The following ZNF318 variants were observed in gnomAD, a reference collection of about 807,000 sequenced individuals.
ZNF318 encodes the protein endocrine regulator.
A neutral mutation model predicts 124.2 loss-of-function variants in ZNF318; 51 were observed. That is an observed-to-expected ratio of 0.41 (90% CI 0.33 to 0.52). ZNF318 has a LOEUF of 0.52. Among genes scored for constraint, ZNF318 ranks in the 20% least tolerant of loss-of-function variants. The pLI is 0.23. For synonymous variants in ZNF318, 1,090 were observed against 1,040.7 expected (o/e 1.05, Z -0.91); for missense variants, 2,815 against 2,811.2 (o/e 1.00, Z -0.03).
chr6:43,341,592 G>A (rs903209093), intron 8 of ZNF318, among the ~76,000 whole-genome samples: 1 of 149,810 alleles, frequency 6.7e-6, no homozygotes, highest in African/African-American at 2.5e-5. Context: ...GGGGCTTGCA[G>A]TGAGCAGAGA....
chr6:43,360,400 A>G (rs1779664687), intron 2 of ZNF318, among the ~76,000 whole-genome samples: 1 of 152,218 alleles, frequency 6.6e-6, no homozygotes. Flanking sequence ...AGAACCCTAA[A>G]AAGGGTACAA....
chr6:43,348,281 AG>A (rs982712253), intron 6 of ZNF318, 42 bp downstream of exon 6: 2 of 1,559,880 alleles, frequency 1.3e-6, no homozygotes, highest in Non-Finnish European at 1.7e-6. Flanking sequence ...TAGGAGTCTA[AG>A]GGAAAAAAAA....
At position 43,355,422 on chromosome 6, in the gene ZNF318, G is replaced by A. The variant is rs759898475; in HGVS notation, c.1912C>T (p.Arg638Ter). 5 of 1,614,120 alleles carry A rather than the reference G, an allele frequency of 3.1e-6. No homozygotes were observed. Among genetic ancestry groups the A allele is most frequent in the South Asian group, 1.1e-5 (1 of 91,078 alleles). The part of the protein sequence containing the change: ...SSADRRSSVD[R>*]YFSADHCSSV... ...GAACAGTGGTCAGCTGAAAAGTATC[G>A]GTCAACTGAGGAACGGCGGTCAGCT... is the stretch of plus-strand genomic sequence containing the variant. The change falls in exon 4 of 10, where the codon CGA becomes TGA. Residue 638 changes from arginine (R) to a stop codon, truncating the protein, a stop_gained. Coordinates refer to ENST00000361428, the MANE Select transcript of ZNF318 (RefSeq NM_014345.3). LOFTEE classifies it high-confidence loss of function.
At chr6:43,353,795 A>C (rs1779565647) in intron 4 of ZNF318, among the ~76,000 whole-genome samples, 2 of 152,192 alleles carry the variant, frequency 1.3e-5, no homozygotes, top group Non-Finnish European at 2.9e-5. Context: ...CTTCCACTCA[A>C]AATTCTTCTA....
At chr6:43,352,971 T>C (rs536867832) in intron 4 of ZNF318, among the ~76,000 whole-genome samples, 1 of 152,250 alleles carries the variant, frequency 6.6e-6, no homozygotes, top group African/African-American at 2.4e-5. Flanking sequence ...ACATTAAGAG[T>C]AGATTTACAA....
In ZNF318 at chr6:43,352,485, T is replaced by C; in HGVS notation, c.2671-9A>G. On this transcript the variant is annotated splice_polypyrimidine_tract_variant and intron_variant, in intron 4 of 9. Transcript: ENST00000361428. ...TCCCTCTCTTCAATAACCTGCAAAATACAAAGTGGTAAGAGAGTCCATCTC... is the reference window on the plus strand; with the variant it reads ...TCCCTCTCTTCAATAACCTGCAAAACACAAAGTGGTAAGAGAGTCCATCTC... 6.2e-7 allele frequency: 1 copy of C among 1,611,556 alleles called. No individual in the cohort carries two copies. The highest frequency in any genetic ancestry group is 8.5e-7 in the Non-Finnish European group (1 of 1,177,728).
rs1399692543 is a variant in ZNF318, at chr6:43,363,782, G to A, written c.548+1510C>T. 3 of 698,758 alleles carry A rather than the reference G, an allele frequency of 4.3e-6. No individual in the cohort carries two copies. The African/African-American group carries it at 5.3e-5, about 12-fold the overall frequency. 43.3% of individuals were successfully genotyped at this position (698,758 alleles called of 1,614,324 possible). On this transcript the variant is annotated intron_variant, in intron 2 of 9. Transcript: ENST00000361428. ...CAGACCCACACTGGCCAGTTGAAAA[G>A]GTTCAAGGCGTTTGTTGCCATCGGG...
chr6:43,345,925 G>A (rs1446306993), intron 6 of ZNF318, among the ~76,000 whole-genome samples: 1 of 151,930 alleles, frequency 6.6e-6, no homozygotes, highest in African/African-American at 2.4e-5. Context: ...GCCTGGGGAC[G>A]GGCGCAGTGG....
chr6:43,338,463 A>G lies in ZNF318; in HGVS notation c.5535T>C (p.Ser1845=), dbSNP rs145236112. ...TGATCACTACTTTACTTGGAGTTTCACTTCCTGTCATCAATTTATTGGACT... is the reference window on the plus strand; with the variant it reads ...TGATCACTACTTTACTTGGAGTTTCGCTTCCTGTCATCAATTTATTGGACT... The part of the protein sequence containing the change: ...AEQSNKLMTG[S]ETPSKVVIKL... The change falls in exon 10 of 10, where the codon AGT becomes AGC. Residue 1845 remains serine, a synonymous_variant. Coordinates refer to ENST00000361428, the MANE Select transcript of ZNF318 (RefSeq NM_014345.3). The G allele has an allele frequency of 1.4e-4, 232 of 1,614,166 alleles. 2 individuals are homozygous for G. The African/African-American group carries it at 2.3e-3, about 16-fold the overall frequency.
At position 43,357,553 on chromosome 6, in the gene ZNF318, C is replaced by G. The variant is rs769942951; in HGVS notation, c.761G>C (p.Arg254Pro). The G allele has an allele frequency of 1.9e-5, 30 of 1,614,118 alleles. No homozygotes were observed. Among genetic ancestry groups the G allele is most frequent in the Non-Finnish European group, 2.5e-5 (30 of 1,180,032 alleles). ...TATGGAGTAGCCTTTGAGTTTTTCT[C>G]GATTCCGTTCTGTTCCCCGCAACAG... ...DELLRGTERN[R>P]EKLKGYSIRS... The change falls in exon 3 of 10, where the codon CGA becomes CCA. Residue 254 changes from arginine to proline, a missense_variant. This residue lies in a region of ZNF318 where 1,377 missense variants were observed against 1,353.5 expected (regional missense o/e 1.02). Coordinates refer to ENST00000361428, the MANE Select transcript of ZNF318 (RefSeq NM_014345.3).
chr6:43,356,718 A>G (rs1779612683), intron 3 of ZNF318, among the ~76,000 whole-genome samples: 1 of 152,202 alleles, frequency 6.6e-6, no homozygotes, highest in Non-Finnish European at 1.5e-5. Context: ...CAAAATCAGA[A>G]TCATCTGATT....
intron 2 of ZNF318, among the ~76,000 whole-genome samples, chr6:43,360,984 A>G (rs1779674112): frequency 6.6e-6 from 1 of 152,176 alleles, no homozygotes; most frequent in East Asian, 1.9e-4. Flanking sequence ...GGTGTAATAA[A>G]AATGTTCTAA....
In ZNF318 at chr6:43,369,630, G is replaced by A. The variant is rs1288047756; in HGVS notation, c.-265C>T. 3.3e-5 allele frequency among the ~76,000 whole-genome samples: 5 copies of A among 151,920 alleles called. No individual in the cohort carries two copies. Among genetic ancestry groups the A allele is most frequent in the Admixed American group, 2.0e-4 (3 of 15,266 alleles). On this transcript the variant is annotated 5_prime_UTR_variant, in exon 1 of 10. Transcript: ENST00000361428. ...GGTTCCCCGCTCCTCCACTCAGGGA[G>A]CGGCCGCAGGAACCAAGAAAAGTGG...
Position 43,354,850 on chromosome 6 carries a change from A to T in ZNF318, c.2484T>A (p.Ala828=), listed in dbSNP as rs1329064043. 1 of 1,614,176 alleles carries T rather than the reference A, an allele frequency of 6.2e-7. No individual in the cohort carries two copies. Among genetic ancestry groups the T allele is most frequent in the South Asian group, 1.1e-5 (1 of 91,084 alleles). ...PHRIMPITKQ[A]TRSRPNLRVI... ...CACGAAGATTGGGACGGCTACGAGT[A>T]GCTTGTTTGGTTATTGGCATTATCC... The change falls in exon 4 of 10, where the codon GCT becomes GCA. Residue 828 remains alanine (A), a synonymous_variant. Coordinates refer to ENST00000361428, the MANE Select transcript of ZNF318 (RefSeq NM_014345.3).
Position 43,338,109 on chromosome 6 carries a change from C to T in ZNF318, c.5889G>A (p.Lys1963=). Residue 1963 remains lysine (K), a synonymous_variant, in exon 10 of 10, where the codon AAG becomes AAA. Coordinates refer to ENST00000361428, the MANE Select transcript of ZNF318 (RefSeq NM_014345.3). The stretch of plus-strand genomic sequence containing the variant: ...GGCTCTCCCAGGTCTCTGGCCTCTT[C>T]TTGTTTTCATCCCAAACAGCCAACT... ...IYELAVWDEN[K]KRPETWESPE... 1 of 1,613,412 alleles carries T rather than the reference C, an allele frequency of 6.2e-7. No individual in the cohort carries two copies. The highest frequency in any genetic ancestry group is 8.5e-7 in the Non-Finnish European group (1 of 1,179,846).
chr6:43,357,861 A>C, intron 2 of ZNF318, 96 bp from the exon 3 acceptor site: 1 of 1,129,948 alleles, frequency 8.8e-7, no homozygotes, highest in Non-Finnish European at 1.3e-6. Flanking sequence ...GGGCTATAAA[A>C]TGCTTAGGGC....
intron 4 of ZNF318, among the ~76,000 whole-genome samples, chr6:43,353,176 T>C (rs963623461): frequency 6.6e-6 from 1 of 152,162 alleles, no homozygotes; most frequent in East Asian, 1.9e-4. Flanking sequence ...GTGTATGACC[T>C]CCAAACACTG....
intron 6 of ZNF318, among the ~76,000 whole-genome samples, chr6:43,343,709 T>C (rs1160209958): frequency 6.6e-6 from 1 of 151,356 alleles, no homozygotes; most frequent in African/African-American, 2.4e-5. Flanking sequence ...TGCACCTGTA[T>C]TCCCAGCTAC....
Position 43,352,378 on chromosome 6 carries a change from T to G in ZNF318, c.2769A>C (p.Gln923His). ...RTELERLHKQ[Q>H]GEMLRKKRRE... ...GCAGTCATGCAAAGCAGCTGATACC[T>G]TGTTGTTTATGAAGCCGCTCTAACT... Residue 923 changes from glutamine (Q) to histidine (H), a missense_variant and splice_region_variant, in exon 5 of 10, where the codon CAA (glutamine) becomes CAC (histidine). Gln to His is a conservative substitution (Grantham distance 24). Around this residue, in one of 4 missense-constraint regions of ZNF318, gnomAD observed 1,377 missense variants for 1,353.5 expected, o/e 1.02. Coordinates refer to ENST00000361428, the MANE Select transcript of ZNF318 (RefSeq NM_014345.3). The G allele has an allele frequency of 6.2e-7, 1 of 1,613,908 alleles. No individual in the cohort carries two copies. Among genetic ancestry groups the G allele is most frequent in the Non-Finnish European group, 8.5e-7 (1 of 1,179,818 alleles).
Sources: allele counts gnomAD v4.1 joint callset (sites outside exome capture counted in the v4.1 genomes callset), GRCh38; gene constraint gnomAD v4.1.1; regional missense constraint gnomAD v4.1.1; transcripts MANE v1.5; gene names NCBI Gene and HGNC (gene_info 2026-07-23, HGNC 2026-07-21).